Variants in BCAS3 observed in about 807,000 individuals in gnomAD.
BCAS3 encodes the protein BCAS4/BCAS3 fusion.
In BCAS3, 53 loss-of-function variants were observed where a neutral mutation model predicts 116.1. That is an observed-to-expected ratio of 0.46 (90% confidence interval 0.37 to 0.57). BCAS3 has a LOEUF of 0.57. BCAS3 is among the 20% of genes least tolerant of loss of function. The pLI, the probability that BCAS3 is intolerant of heterozygous loss-of-function variation, is 0.00. For synonymous variants in BCAS3, 391 were observed against 408.2 expected (o/e 0.96, Z 0.51); for missense variants, 917 against 1,165.4 (o/e 0.79, Z 3.10).
chr17:60,981,356 T>C (rs1223515367), intron 14 of BCAS3, among the ~76,000 whole-genome samples: 2 of 152,012 alleles, frequency 1.3e-5, no homozygotes, highest in Non-Finnish European at 2.9e-5. Flanking sequence ...CTTGGCTCAC[T>C]GCAGCCTCTG....
At chr17:61,096,620 G>A (rs1421765034) in intron 22 of BCAS3, among the ~76,000 whole-genome samples, 1 of 152,166 alleles carries the variant, frequency 6.6e-6, no homozygotes, top group Non-Finnish European at 1.5e-5. Context: ...TCTAATAGTA[G>A]AATCTCTTGG....
chr17:60,914,170 A>G (rs2058659294), intron 12 of BCAS3, among the ~76,000 whole-genome samples: 1 of 152,194 alleles, frequency 6.6e-6, no homozygotes. Flanking sequence ...GTTAATACAG[A>G]CTTAAGAGTT....
rs939304114 is a variant in BCAS3, at chr17:61,032,128, C to A, written c.1638-2538C>A. 1.3e-5 allele frequency among the ~76,000 whole-genome samples: 2 copies of A among 152,050 alleles called. No homozygotes were observed. Among genetic ancestry groups the A allele is most frequent in the Non-Finnish European group, 2.9e-5 (2 of 67,978 alleles). ...TCATGTTAGAAAGTTTGCCATCTGGCCTGGAAGCAACTATTTTTAAGTCTG... is the reference window on the plus strand; with the variant it reads ...TCATGTTAGAAAGTTTGCCATCTGGACTGGAAGCAACTATTTTTAAGTCTG... On this transcript the variant is annotated intron_variant, in intron 16 of 23. Transcript: ENST00000407086. The surrounding 1 kb of genome is among the most constrained non-coding windows in gnomAD (Gnocchi z 4.6).
chr17:60,811,232 G>A, intron 7 of BCAS3: 1 of 867,578 alleles, frequency 1.2e-6, no homozygotes, highest in Non-Finnish European at 1.8e-6. Flanking sequence ...AGACCCTGCA[G>A]AGGGACAGCG....
intron 12 of BCAS3, among the ~76,000 whole-genome samples, chr17:60,922,986 G>C (rs1282318253): frequency 1.3e-5 from 2 of 152,098 alleles, no homozygotes; most frequent in Non-Finnish European, 2.9e-5. Context: ...ATTAGGACAA[G>C]AAAATGGCCT....
Position 61,215,748 on chromosome 17 carries a change from C to T in BCAS3, c.2425+131184C>T, listed in dbSNP as rs1015899447. ...ATCCAGGCTCCATTAAATGTGAACACTAACGTCTCTTAGTGCAGTAGTTCT... is the reference window on the plus strand; with the variant it reads ...ATCCAGGCTCCATTAAATGTGAACATTAACGTCTCTTAGTGCAGTAGTTCT... On this transcript the variant is annotated intron_variant, in intron 22 of 23. Transcript: ENST00000407086. This position sits in a 1 kb window ranked among gnomAD's most constrained non-coding sequence, Gnocchi z 4.8. Among the ~76,000 whole-genome samples the T allele has an allele frequency of 6.6e-6, 1 of 152,210 alleles. No homozygotes were observed. Among genetic ancestry groups the T allele is most frequent in the Non-Finnish European group, 1.5e-5 (1 of 68,040 alleles).
At chr17:61,338,024 C>A (rs1279024857) in intron 22 of BCAS3, among the ~76,000 whole-genome samples, 1 of 152,100 alleles carries the variant, frequency 6.6e-6, no homozygotes, top group Non-Finnish European at 1.5e-5. Flanking sequence ...AAAGTTAGGT[C>A]GAATGTCACG....
intron 23 of BCAS3, among the ~76,000 whole-genome samples, chr17:61,375,265 G>A (rs1330053978): frequency 1.0e-5 from 1 of 100,136 alleles, no homozygotes; most frequent in Admixed American, 9.8e-5. Flanking sequence ...TACTAATAAA[G>A]TCTTTCATTT....
At chr17:61,053,362 A>C (rs913428190) in intron 19 of BCAS3, among the ~76,000 whole-genome samples, 15 of 152,132 alleles carry the variant, frequency 9.9e-5, no homozygotes, top group Non-Finnish European at 1.8e-4. Flanking sequence ...AGATTTTACT[A>C]TCCTGTTGTT....
At chr17:60,901,116 C>T (rs1480325204) in intron 10 of BCAS3, among the ~76,000 whole-genome samples, 7 of 151,374 alleles carry the variant, frequency 4.6e-5, no homozygotes, top group African/African-American at 1.5e-4. Context: ...GAGGCCGAGG[C>T]GGGAGAATTA....
chr17:60,924,518 CTTTTTTTTTT>C lies in BCAS3; in HGVS notation c.1087+27_1087+36del, dbSNP rs75229063. 3 of 1,100,122 alleles carry C rather than the reference CTTTTTTTTTT, an allele frequency of 2.7e-6. No homozygotes were observed. The highest frequency in any genetic ancestry group is 3.7e-6 in the Non-Finnish European group (3 of 801,694). The allele number at this position is 1,100,122 out of a possible 1,614,324, so 68.1% of individuals were successfully genotyped here. A position where few individuals can be genotyped will look rare whatever the true frequency, so the allele number is the denominator to read the frequency against. On this transcript the variant is annotated intron_variant, in intron 13 of 23. Transcript: ENST00000407086. ...TACAAGTGGTAAGTTCGCTCTCTGT[CTTTTTTTTTT>C]TTTTTTTTGTAGACCATTTATATAA...
At chr17:61,054,434 A>G (rs1209226746) in intron 19 of BCAS3, among the ~76,000 whole-genome samples, 1 of 152,100 alleles carries the variant, frequency 6.6e-6, no homozygotes, top group Non-Finnish European at 1.5e-5. Context: ...TGGCATGATC[A>G]CAGATCACTA....
chr17:61,209,537 C>G (rs1279516196), intron 22 of BCAS3, among the ~76,000 whole-genome samples: 1 of 152,088 alleles, frequency 6.6e-6, no homozygotes, highest in African/African-American at 2.4e-5. Flanking sequence ...TTCTATTTAT[C>G]CGAAATGTCA....
At chr17:60,791,305 G>C (rs1341590120) in intron 6 of BCAS3, among the ~76,000 whole-genome samples, 1 of 152,074 alleles carries the variant, frequency 6.6e-6, no homozygotes, top group Non-Finnish European at 1.5e-5. Flanking sequence ...TCCTTCTTTG[G>C]ATTAGACCTC....
At chr17:61,270,901 AG>A (rs1209870072) in intron 22 of BCAS3, among the ~76,000 whole-genome samples, 1 of 151,874 alleles carries the variant, frequency 6.6e-6, no homozygotes, top group Non-Finnish European at 1.5e-5. Flanking sequence ...CTGGGATTAC[AG>A]GCATATGCCA....
intron 22 of BCAS3, among the ~76,000 whole-genome samples, chr17:61,096,535 TGA>T (rs2073984777): frequency 6.6e-6 from 1 of 152,188 alleles, no homozygotes; most frequent in Admixed American, 6.5e-5. Flanking sequence ...CTAGCCTGGG[TGA>T]CAGAGGGGAA....
rs906800903 is a variant in BCAS3 at position 61,349,495 on chromosome 17, T to C, written c.2426-18832T>C. ...TCCAGTGGAAATTCTGCACTTAGAT[T>C]ATTGGTCCAGCTCTGCTTCTCCGAA... is the stretch of plus-strand genomic sequence containing the variant. On this transcript the variant is annotated intron_variant, in intron 22 of 23. Transcript: ENST00000407086. This position sits in a 1 kb window ranked among gnomAD's most constrained non-coding sequence, Gnocchi z 4.7. Among the ~76,000 whole-genome samples, 8 of 152,176 alleles carry C rather than the reference T, an allele frequency of 5.3e-5. No individual in the cohort carries two copies. The highest frequency in any genetic ancestry group is 1.9e-4 in the African/African-American group (8 of 41,446).
intron 7 of BCAS3, among the ~76,000 whole-genome samples, chr17:60,822,757 C>T (rs935935363): frequency 2.0e-5 from 3 of 152,170 alleles, no homozygotes; most frequent in African/African-American, 7.2e-5. Context: ...TGCGGTGTCC[C>T]CTCTCACTTG....
intron 13 of BCAS3, among the ~76,000 whole-genome samples, chr17:60,942,272 A>C (rs2060261583): frequency 6.6e-6 from 1 of 152,016 alleles, no homozygotes; most frequent in Non-Finnish European, 1.5e-5. Context: ...ATCAAAATAC[A>C]AAAAATTAGC....
Sources: gnomAD v4.1 joint callset for allele counts (sites outside exome capture counted in the v4.1 genomes callset) on GRCh38, gnomAD v4.1.1 for gene constraint, Gnocchi (gnomAD v3.1) non-coding constraint, MANE v1.5 for transcripts, NCBI Gene and HGNC (gene_info 2026-07-23, HGNC 2026-07-21) for gene names.